LDB2: variants seen among roughly 807,000 people sequenced by gnomAD.
LDB2 encodes LIM domain-binding protein 2.
In LDB2, 12 loss-of-function variants were observed where a neutral mutation model predicts 44.3. The ratio of observed to expected loss-of-function variants is 0.27; its 90% CI spans 0.17 to 0.44. LDB2 has a LOEUF of 0.44. Ranked by LOEUF, LDB2 falls within the 20% of genes least tolerant of loss-of-function variation. The probability of loss-of-function intolerance (pLI) is 1.00; values close to 1 mark genes in which losing one functional copy is unlikely to be tolerated. For synonymous variants in LDB2, 164 were observed against 174.8 expected (o/e 0.94, Z 0.49); for missense variants, 344 against 473.5 (o/e 0.73, Z 2.54).
At position 16,502,849 on chromosome 4, in the gene LDB2, T is replaced by C; in HGVS notation, c.916A>G (p.Thr306Ala). The change falls in exon 8 of 8, where the codon ACT becomes GCT. Residue 306 changes from threonine (T) to alanine (A), a missense_variant. This residue lies in a region of LDB2 where 86 missense variants were observed against 171.2 expected (regional missense o/e 0.50). Transcript: ENST00000304523. The stretch of plus-strand genomic sequence containing the variant: ...TCCCCAAACTCACCTCCCATCAGAG[T>C]TGGCTCTCCTACCACCATCACATCC... ...VPDVMVVGEP[T>A]LMGGEFGDED... is the part of the protein sequence containing the mutation. 1 of 1,614,004 alleles carries C rather than the reference T, an allele frequency of 6.2e-7. No individual in the cohort carries two copies. Among genetic ancestry groups the C allele is most frequent in the South Asian group, 1.1e-5 (1 of 91,068 alleles).
chr4:16,823,496 T>G (rs1227086153), intron 1 of LDB2, among the ~76,000 whole-genome samples: 2 of 151,292 alleles, frequency 1.3e-5, no homozygotes, highest in Non-Finnish European at 3.0e-5. Context: ...TTTAAGTACA[T>G]TTTTTTTTAA....
chr4:16,655,515 C>G (rs113210618), intron 2 of LDB2, among the ~76,000 whole-genome samples: 5,955 of 152,240 alleles, frequency 0.039, 165 homozygotes, highest in Middle Eastern at 0.078. Flanking sequence ...AACCCACAAT[C>G]GTCCGTTACA....
intron 5 of LDB2, among the ~76,000 whole-genome samples, chr4:16,551,085 A>G (rs1737491363): frequency 6.6e-6 from 1 of 152,236 alleles, no homozygotes; most frequent in South Asian, 2.1e-4. Context: ...TTCTGAATGT[A>G]TACATGCATA....
intron 1 of LDB2, among the ~76,000 whole-genome samples, chr4:16,779,609 C>A (rs1051565149): frequency 1.3e-5 from 2 of 152,200 alleles, no homozygotes; most frequent in East Asian, 1.9e-4. Flanking sequence ...GCTGCGTCCT[C>A]ATATATTTGA....
intron 6 of LDB2, among the ~76,000 whole-genome samples, chr4:16,511,424 C>G (rs983305606): frequency 1.3e-5 from 2 of 152,114 alleles, no homozygotes; most frequent in Admixed American, 6.5e-5. Flanking sequence ...TCTTCATGAT[C>G]AGAACTTTTG....
intron 2 of LDB2, among the ~76,000 whole-genome samples, chr4:16,599,427 G>A (rs1478713884): frequency 2.0e-5 from 3 of 152,056 alleles, no homozygotes; most frequent in Non-Finnish European, 4.4e-5. Context: ...CCTTGTGATT[G>A]CCCTGAATCC....
intron 1 of LDB2, among the ~76,000 whole-genome samples, chr4:16,861,314 G>A (rs1483167240): frequency 1.3e-5 from 2 of 152,076 alleles, no homozygotes; most frequent in African/African-American, 2.4e-5. Context: ...CCTTGGTGCT[G>A]GATGGTTCAT....
intron 1 of LDB2, among the ~76,000 whole-genome samples, chr4:16,836,011 C>T (rs1784829932): frequency 6.6e-6 from 1 of 152,158 alleles, no homozygotes; most frequent in Non-Finnish European, 1.5e-5. Context: ...GTAAATACTG[C>T]CAGTAAGGAT....
chr4:16,534,629 A>G (rs1731172177), intron 5 of LDB2, among the ~76,000 whole-genome samples: 1 of 152,260 alleles, frequency 6.6e-6, no homozygotes. Context: ...TATCATTTAA[A>G]AAAATAGCTT....
intron 2 of LDB2, among the ~76,000 whole-genome samples, chr4:16,686,894 C>T (rs1261129696): frequency 6.6e-6 from 1 of 152,084 alleles, no homozygotes; most frequent in Non-Finnish European, 1.5e-5. Flanking sequence ...TGGGGGGATC[C>T]TTATTCCTCC....
chr4:16,565,897 TAAGA>T (rs992761171), intron 5 of LDB2, among the ~76,000 whole-genome samples: 3 of 151,908 alleles, frequency 2.0e-5, no homozygotes, highest in African/African-American at 7.2e-5. Context: ...CGAAAGTTAT[TAAGA>T]AATGGAAAAT....
chr4:16,567,747 G>A (rs995946122), intron 5 of LDB2, among the ~76,000 whole-genome samples: 2 of 152,202 alleles, frequency 1.3e-5, no homozygotes, highest in Non-Finnish European at 2.9e-5. Flanking sequence ...TCCAGCCTGG[G>A]CGACAGAGCG....
chr4:16,562,328 A>G (rs35544289), intron 5 of LDB2, among the ~76,000 whole-genome samples: 10,843 of 152,268 alleles, frequency 0.071, 460 homozygotes, highest in East Asian at 0.2. Flanking sequence ...CATCTGACAA[A>G]GGGCTAATAT....
intron 2 of LDB2, among the ~76,000 whole-genome samples, chr4:16,644,227 A>C (rs1285788652): frequency 6.6e-6 from 1 of 152,178 alleles, no homozygotes; most frequent in Non-Finnish European, 1.5e-5. Context: ...GTTTTGACAG[A>C]ATATTTTTGA....
intron 2 of LDB2, among the ~76,000 whole-genome samples, chr4:16,703,108 G>A (rs546107998): frequency 6.6e-6 from 1 of 152,234 alleles, no homozygotes; most frequent in South Asian, 2.1e-4. Flanking sequence ...GAAAATAAAT[G>A]TCGAACAAGT....
intron 1 of LDB2, among the ~76,000 whole-genome samples, chr4:16,792,987 A>G (rs534125631): frequency 4.6e-5 from 7 of 152,336 alleles, no homozygotes; most frequent in Non-Finnish European, 1.0e-4. Flanking sequence ...CCCAAAAGAA[A>G]AGGAGCAGGG....
intron 7 of LDB2, chr4:16,503,235 G>A: frequency 1.7e-6 from 2 of 1,183,362 alleles, no homozygotes; most frequent in African/African-American, 1.5e-5. Flanking sequence ...TCTGCTGGGT[G>A]CTTCTCAATA....
chr4:16,780,124 C>T (rs1035959427), intron 1 of LDB2, among the ~76,000 whole-genome samples: 1 of 152,146 alleles, frequency 6.6e-6, no homozygotes, highest in Non-Finnish European at 1.5e-5. Context: ...AAACAATAAA[C>T]ACACAAGTGA....
chr4:16,575,118 T>C (rs958730334), intron 5 of LDB2, among the ~76,000 whole-genome samples: 1 of 152,096 alleles, frequency 6.6e-6, no homozygotes, highest in Non-Finnish European at 1.5e-5. Context: ...ATTAGAGAAA[T>C]GATTAAACAC....
Sources: allele counts gnomAD v4.1 joint callset (sites outside exome capture counted in the v4.1 genomes callset), GRCh38; gene constraint gnomAD v4.1.1; regional missense constraint gnomAD v4.1.1; transcripts MANE v1.5; gene names NCBI Gene and HGNC (gene_info 2026-07-23, HGNC 2026-07-21).